RSPO2: variants seen among roughly 807,000 people sequenced by gnomAD.
RSPO2 encodes the protein R-spondin 2.
Under a neutral mutation model 30.9 loss-of-function variants are expected in RSPO2, and 14 were observed. The observed-to-expected ratio is 0.45, with a 90% confidence interval of 0.30 to 0.71. RSPO2 has a LOEUF of 0.71. RSPO2 is among the 30% of genes least tolerant of loss of function. The pLI is 0.08. For synonymous variants in RSPO2, 107 were observed against 96.4 expected, an observed-to-expected ratio of 1.11 and a Z score of -0.64; for missense variants, 264 against 301.9, an observed-to-expected ratio of 0.87 and a Z score of 0.93.
chr8:108,003,321 T>G (rs1291500132), intron 2 of RSPO2, among the ~76,000 whole-genome samples: 15 of 36,284 alleles, frequency 4.1e-4, no homozygotes, highest in African/African-American at 8.5e-4. Context: ...ATTTTTTTTT[T>G]TTTTTTTTTT....
chr8:107,978,569 T>G (rs1054213706), intron 3 of RSPO2, among the ~76,000 whole-genome samples: 37 of 152,188 alleles, frequency 2.4e-4, no homozygotes, highest in Non-Finnish European at 4.9e-4. Context: ...CCTAAAACCA[T>G]AAAAACCCTA....
At chr8:107,909,477 G>T (rs772194339) in intron 5 of RSPO2, among the ~76,000 whole-genome samples, 2 of 151,938 alleles carry the variant, frequency 1.3e-5, no homozygotes, top group Non-Finnish European at 2.9e-5. Flanking sequence ...TGGTCAGGCT[G>T]GTCTCAAACT....
intron 5 of RSPO2, among the ~76,000 whole-genome samples, chr8:107,955,266 A>G (rs1167153650): frequency 6.6e-6 from 1 of 152,112 alleles, no homozygotes; most frequent in Non-Finnish European, 1.5e-5. Flanking sequence ...ACAGGACCTC[A>G]GAGATCACCT....
intron 2 of RSPO2, among the ~76,000 whole-genome samples, chr8:108,039,299 T>C (rs1178042921): frequency 6.6e-6 from 1 of 152,190 alleles, no homozygotes; most frequent in Non-Finnish European, 1.5e-5. Context: ...TTAATAGTAA[T>C]ATTAATTCCC....
intron 5 of RSPO2, among the ~76,000 whole-genome samples, chr8:107,913,463 A>G (rs925751067): frequency 6.6e-6 from 1 of 152,204 alleles, no homozygotes; most frequent in Non-Finnish European, 1.5e-5. Flanking sequence ...ATTTGCCAAA[A>G]TAGTCTCTAT....
chr8:107,956,524 T>C (rs565306421), intron 5 of RSPO2, among the ~76,000 whole-genome samples: 1 of 152,296 alleles, frequency 6.6e-6, no homozygotes, highest in East Asian at 1.9e-4. Flanking sequence ...GCAATAAATA[T>C]TATGGTTAAC....
intron 5 of RSPO2, among the ~76,000 whole-genome samples, chr8:107,921,043 G>T (rs1256511891): frequency 1.3e-5 from 2 of 152,014 alleles, no homozygotes; most frequent in African/African-American, 2.4e-5. Flanking sequence ...AGGCAGAAAA[G>T]GATGTTAGCA....
rs77370715 is a variant in RSPO2, at chr8:107,985,777, G to A, written c.283+3279C>T. Among the ~76,000 whole-genome samples, 367 of 152,204 alleles carry A rather than the reference G, an allele frequency of 2.4e-3. 17 individuals are homozygous for A. In the South Asian group the frequency reaches 0.067, roughly 28 times the overall value. ...AATTAACATCTAACATAGTATCAGG[G>A]ACAATGGCAGCTTCTAGTGTCTGTT... On this transcript the variant is annotated intron_variant, in intron 3 of 5. Coordinates refer to ENST00000276659, the MANE Select transcript of RSPO2 (RefSeq NM_178565.5).
At position 107,941,410 on chromosome 8, in the gene RSPO2, A is replaced by C. The variant is rs141573962; in HGVS notation, c.616+16670T>G. 3.0e-4 allele frequency among the ~76,000 whole-genome samples: 45 copies of C among 152,312 alleles called. No homozygotes were observed. In the East Asian group the frequency reaches 7.5e-3, roughly 25 times the overall value. On this transcript the variant is annotated intron_variant, in intron 5 of 5. Transcript: ENST00000276659. ...AACAGACTAATAAATGGGTGCCAAA[A>C]AATAGATCACTGCAAAATGTAAATT...
chr8:107,994,539 A>G (rs1194790749), intron 2 of RSPO2, among the ~76,000 whole-genome samples: 1 of 152,186 alleles, frequency 6.6e-6, no homozygotes, highest in Admixed American at 6.5e-5. Flanking sequence ...CCTTAAAAGA[A>G]AAGACACAAA....
intron 2 of RSPO2, among the ~76,000 whole-genome samples, chr8:108,003,283 A>T (rs1815318040): frequency 2.6e-5 from 1 of 38,530 alleles, no homozygotes; most frequent in Non-Finnish European, 5.8e-5. Flanking sequence ...GTGTGTATAT[A>T]TATATATATA....
At chr8:107,927,810 T>C (rs1812431481) in intron 5 of RSPO2, among the ~76,000 whole-genome samples, 1 of 149,836 alleles carries the variant, frequency 6.7e-6, no homozygotes, top group South Asian at 2.2e-4. Context: ...AGTATTTTAT[T>C]GAGGATTTTT....
chr8:107,954,317 CA>C (rs1219685680), intron 5 of RSPO2, among the ~76,000 whole-genome samples: 1 of 152,142 alleles, frequency 6.6e-6, no homozygotes, highest in African/African-American at 2.4e-5. Context: ...AAATATATGA[CA>C]AAAAGCATGT....
intron 3 of RSPO2, chr8:107,983,711 A>G: frequency 6.3e-7 from 1 of 1,587,200 alleles, no homozygotes. Flanking sequence ...AATAACAACT[A>G]AAGGCTGAAA....
At chr8:108,081,990 T>A in intron 2 of RSPO2, 2 of 927,726 alleles carry the variant, frequency 2.2e-6, no homozygotes, top group Non-Finnish European at 2.6e-6. Flanking sequence ...GAAAGGGAGG[T>A]CCTCCCCCTC....
At chr8:107,980,392 T>A (rs921245693) in intron 3 of RSPO2, among the ~76,000 whole-genome samples, 1 of 152,210 alleles carries the variant, frequency 6.6e-6, no homozygotes, top group African/African-American at 2.4e-5. Context: ...GGGAAAACCA[T>A]GCAAGTGGCT....
chr8:108,065,763 C>T (rs1190041881), intron 2 of RSPO2, among the ~76,000 whole-genome samples: 6 of 151,932 alleles, frequency 3.9e-5, no homozygotes, highest in Admixed American at 2.0e-4. Context: ...GCAGGCTGGG[C>T]GTGGTAGCTC....
At chr8:108,073,497 G>A (rs1812918620) in intron 2 of RSPO2, among the ~76,000 whole-genome samples, 1 of 152,192 alleles carries the variant, frequency 6.6e-6, no homozygotes, top group Non-Finnish European at 1.5e-5. Context: ...GAATTGAAGA[G>A]TGCTAAGCCC....
In RSPO2 at chr8:108,009,006, A is replaced by C. The variant is rs182141836; in HGVS notation, c.95-19762T>G. Among the ~76,000 whole-genome samples the C allele has an allele frequency of 3.8e-4, 58 of 152,264 alleles. 1 individual carries two copies. Among genetic ancestry groups the C allele is most frequent in the Admixed American group, 3.5e-3 (54 of 15,298 alleles). ...AAGGTAGAAATTAATTAGACATGAA[A>C]AGATGTACAATATATCCAATCTCAT... is the stretch of plus-strand genomic sequence containing the variant. On this transcript the variant is annotated intron_variant, in intron 2 of 5. Transcript: ENST00000276659.
Sources: allele counts gnomAD v4.1 joint callset (sites outside exome capture counted in the v4.1 genomes callset), GRCh38; gene constraint gnomAD v4.1.1; transcripts MANE v1.5; gene names NCBI Gene and HGNC (gene_info 2026-07-23, HGNC 2026-07-21).